CR1L: variants seen among roughly 807,000 people sequenced by gnomAD.
The protein encoded by CR1L is complement component receptor 1-like protein.
Under a neutral mutation model 62.3 loss-of-function variants are expected in CR1L, and 59 were observed. That is an observed-to-expected ratio of 0.95 (90% CI 0.77 to 1.18). The LOEUF is 1.18. Ranked by LOEUF, CR1L falls within the 50% of genes most tolerant of loss-of-function variation. CR1L has a pLI of 0.00. For missense variants in CR1L, 700 were observed against 702.8 expected, an observed-to-expected ratio of 1.00 and a Z score of 0.04; for synonymous variants, 279 against 248.7, an observed-to-expected ratio of 1.12 and a Z score of -1.15.
Position 207,694,711 on chromosome 1 carries a change from C to T in CR1L, c.822C>T (p.Ala274=). The change falls in exon 5 of 12, where the codon GCC becomes GCT. Residue 274 remains alanine, a synonymous_variant. Coordinates refer to ENST00000508064, the MANE Select transcript of CR1L (RefSeq NM_175710.2). The part of the protein sequence containing the change: ...MKGPSHVKCQ[A]LNKWEPELPS... ...GGCCCTCCCATGTGAAGTGCCAGGCCCTGAACAAATGGGAGCCAGAGTTAC... is the reference window on the plus strand; with the variant it reads ...GGCCCTCCCATGTGAAGTGCCAGGCTCTGAACAAATGGGAGCCAGAGTTAC... 1.2e-6 allele frequency: 2 copies of T among 1,611,838 alleles called. No individual in the cohort carries two copies. Among genetic ancestry groups the T allele is most frequent in the African/African-American group, 2.7e-5 (2 of 74,974 alleles).
chr1:207,708,516 C>T (rs1387744102), intron 10 of CR1L, among the ~76,000 whole-genome samples: 2 of 152,228 alleles, frequency 1.3e-5, no homozygotes, highest in Admixed American at 6.5e-5. Context: ...CCAATTTCAT[C>T]CTCTGTTGGG....
chr1:207,705,088 C>T (rs2102475066), intron 9 of CR1L, among the ~76,000 whole-genome samples: 3 of 152,308 alleles, frequency 2.0e-5, no homozygotes, highest in Admixed American at 2.0e-4. Context: ...TGGAGTGTGG[C>T]AGCAGAACTC....
chr1:207,669,597 G>A, intron 1 of CR1L: 1 of 1,275,196 alleles, frequency 7.8e-7, no homozygotes, highest in Non-Finnish European at 1.1e-6. Flanking sequence ...GGAGGCGCCC[G>A]GGCTGACGAG....
chr1:207,656,224 C>G (rs542063411), intron 1 of CR1L, among the ~76,000 whole-genome samples: 2 of 151,662 alleles, frequency 1.3e-5, no homozygotes, highest in East Asian at 3.9e-4. Context: ...GGCGACAGAG[C>G]GAGATTCCGT....
At chr1:207,681,334 C>T (rs934697230) in intron 3 of CR1L, among the ~76,000 whole-genome samples, 12 of 152,252 alleles carry the variant, frequency 7.9e-5, no homozygotes, top group Middle Eastern at 3.4e-3. Flanking sequence ...CCACAACTCT[C>T]TCTTCCCCAG....
At chr1:207,659,401 C>G (rs1361614103) in intron 1 of CR1L, among the ~76,000 whole-genome samples, 2 of 152,222 alleles carry the variant, frequency 1.3e-5, no homozygotes, top group African/African-American at 4.8e-5. Context: ...ATCCCTCATC[C>G]CTTTTCATGT....
intron 1 of CR1L, among the ~76,000 whole-genome samples, chr1:207,647,704 C>T (rs931010853): frequency 6.6e-6 from 1 of 152,126 alleles, no homozygotes; most frequent in Non-Finnish European, 1.5e-5. Flanking sequence ...AAGAGCTATG[C>T]TCAGGATGGT....
chr1:207,713,637 G>T (rs1311981176), intron 10 of CR1L, among the ~76,000 whole-genome samples: 1 of 152,242 alleles, frequency 6.6e-6, no homozygotes, highest in Non-Finnish European at 1.5e-5. Context: ...GCAAGTGGGG[G>T]TTCCAGCTGG....
chr1:207,711,955 G>A (rs73082726), intron 10 of CR1L, among the ~76,000 whole-genome samples: 454 of 152,018 alleles, frequency 3.0e-3, no homozygotes, highest in African/African-American at 0.01. Context: ...TAATTGAAGC[G>A]GGCTTACAGG....
chr1:207,715,024 C>T (rs1397407266), intron 10 of CR1L, among the ~76,000 whole-genome samples: 2 of 152,206 alleles, frequency 1.3e-5, no homozygotes, highest in Non-Finnish European at 2.9e-5. Context: ...TTCATGCCTT[C>T]TGTAGGTGAT....
intron 4 of CR1L, among the ~76,000 whole-genome samples, chr1:207,692,681 T>A (rs1412555804): frequency 6.6e-6 from 1 of 151,790 alleles, no homozygotes; most frequent in Non-Finnish European, 1.5e-5. Flanking sequence ...GGTCATACTC[T>A]GGTCCCCAAT....
chr1:207,683,497 G>A (rs1663840268), intron 3 of CR1L, among the ~76,000 whole-genome samples: 2 of 151,964 alleles, frequency 1.3e-5, no homozygotes, highest in Admixed American at 6.6e-5. Flanking sequence ...ATACTTATAA[G>A]GCATAGAAAT....
chr1:207,668,464 AG>A (rs1160621870), intron 1 of CR1L, among the ~76,000 whole-genome samples: 1 of 151,098 alleles, frequency 6.6e-6, no homozygotes, highest in Non-Finnish European at 1.5e-5. Context: ...AATCTAAAAA[AG>A]CTCATCTCAT....
At chr1:207,706,013 GTATATATATATATATA>G (rs139294447) in intron 9 of CR1L, among the ~76,000 whole-genome samples, 3 of 133,574 alleles carry the variant, frequency 2.2e-5, no homozygotes, top group African/African-American at 8.0e-5. Context: ...GTGTGTGTAT[GTATATATATATATATA>G]TATATATATA....
At position 207,697,841 on chromosome 1, in the gene CR1L, T is replaced by C; in HGVS notation, c.1110T>C (p.Leu370=). The change falls in exon 7 of 12, where the codon CTT becomes CTC. Residue 370 remains leucine (L), a synonymous_variant. Transcript: ENST00000508064. ...TGCTATTTCCACTTAATCTCCAGCT[T>C]GGAGCAAAAGTGGATTTTGTTTGTG... The part of the protein sequence containing the change: ...GHVLFPLNLQ[L]GAKVDFVCDE... The C allele has an allele frequency of 6.2e-7, 1 of 1,613,924 alleles. No individual in the cohort carries two copies. Among genetic ancestry groups the C allele is most frequent in the Non-Finnish European group, 8.5e-7 (1 of 1,179,880 alleles).
chr1:207,649,809 T>A (rs776042637), intron 1 of CR1L, among the ~76,000 whole-genome samples: 1 of 152,190 alleles, frequency 6.6e-6, no homozygotes, highest in Non-Finnish European at 1.5e-5. Context: ...GGAAAAACCT[T>A]GATTACTCTG....
intron 1 of CR1L, among the ~76,000 whole-genome samples, chr1:207,652,367 C>T (rs1337300403): frequency 2.0e-5 from 3 of 152,218 alleles, no homozygotes; most frequent in Non-Finnish European, 4.4e-5. Context: ...TTACTTAAAA[C>T]ATGCAAATCC....
intron 5 of CR1L, 36 bp from the exon 6 acceptor site, chr1:207,697,467 C>T (rs768682124): frequency 5.0e-6 from 8 of 1,613,432 alleles, no homozygotes; most frequent in Non-Finnish European, 6.8e-6. Context: ...AAGTTATTTT[C>T]ACACAATTAG....
chr1:207,704,711 A>G (rs891204533), intron 9 of CR1L, among the ~76,000 whole-genome samples: 5 of 152,364 alleles, frequency 3.3e-5, no homozygotes, highest in Admixed American at 2.0e-4. Flanking sequence ...GATAATCTTT[A>G]GCATTTTTTA....
Sources: gnomAD v4.1 joint callset for allele counts (sites outside exome capture counted in the v4.1 genomes callset) on GRCh38, gnomAD v4.1.1 for gene constraint, MANE v1.5 for transcripts, NCBI Gene and HGNC (gene_info 2026-07-23, HGNC 2026-07-21) for gene names.